NAMPT: variants seen among roughly 807,000 people sequenced by gnomAD.
The protein encoded by NAMPT is nicotinamide phosphoribosyltransferase, also known as NAmPRTase.
In NAMPT, 7 loss-of-function variants were observed where a neutral mutation model predicts 58.7. That is an observed-to-expected ratio of 0.12 (90% confidence interval 0.07 to 0.22). The LOEUF is 0.22. Among genes scored for constraint, NAMPT ranks in the 10% least tolerant of loss-of-function variants. NAMPT has a pLI of 1.00. For synonymous variants in NAMPT, 145 were observed against 198.1 expected, an observed-to-expected ratio of 0.73 and a Z score of 2.25; for missense variants, 271 against 567.9, an observed-to-expected ratio of 0.48 and a Z score of 5.31.
At chr7:106,256,525 G>A (rs2115732701) in intron 8 of NAMPT, among the ~76,000 whole-genome samples, 2 of 152,316 alleles carry the variant, frequency 1.3e-5, no homozygotes, top group Middle Eastern at 6.8e-3. Context: ...TCATACCAAT[G>A]AATGTAAAGA....
intron 1 of NAMPT, among the ~76,000 whole-genome samples, chr7:106,279,092 C>A (rs532975238): frequency 3.3e-5 from 5 of 152,258 alleles, no homozygotes; most frequent in African/African-American, 1.2e-4. Flanking sequence ...AAATACAGCT[C>A]CAGTTCTGGA....
intron 4 of NAMPT, 49 bp downstream of exon 4, chr7:106,272,481 A>G (rs746540120): frequency 1.7e-5 from 25 of 1,510,780 alleles, no homozygotes; most frequent in Admixed American, 3.7e-5. Flanking sequence ...TCTCAGTTCA[A>G]TGGTCTTTAT....
At chr7:106,261,312 AT>A (rs1403407307) in intron 8 of NAMPT, among the ~76,000 whole-genome samples, 2 of 152,110 alleles carry the variant, frequency 1.3e-5, no homozygotes, top group African/African-American at 4.8e-5. Context: ...TCCAAGGAAT[AT>A]TTCTTGACTG....
At position 106,248,467 on chromosome 7, in the gene NAMPT, T is replaced by C. The variant is rs1266386036; in HGVS notation, c.*2616A>G. ...ATACTTAAGTGTGAGTTCTAAATTA[T>C]GGCAAACAGAACAATAAATACCTTG... On this transcript the variant is annotated 3_prime_UTR_variant, in exon 11 of 11. Coordinates refer to ENST00000222553, the MANE Select transcript of NAMPT (RefSeq NM_005746.3). 1 of 152,536 alleles carries C rather than the reference T, an allele frequency of 6.6e-6. No homozygotes were observed. The highest frequency in any genetic ancestry group is 1.5e-5 in the Non-Finnish European group (1 of 67,994). 9.4% of individuals were successfully genotyped at this position (152,536 alleles called of 1,614,324 possible).
At chr7:106,282,112 G>C (rs2115842357) in intron 1 of NAMPT, among the ~76,000 whole-genome samples, 1 of 152,092 alleles carries the variant, frequency 6.6e-6, no homozygotes, top group African/African-American at 2.4e-5. Context: ...TGAGGCTCAG[G>C]TTGACTCAGG....
Position 106,284,938 on chromosome 7 carries a change from G to C in NAMPT, c.-54C>G. 3.2e-6 allele frequency: 5 copies of C among 1,556,682 alleles called. No individual in the cohort carries two copies. The highest frequency in any genetic ancestry group is 4.4e-6 in the Non-Finnish European group (5 of 1,148,578). ...CGCGAGCTCCCTGGCGCGGCTGCGA[G>C]GAAGGAGAAAAATGAGCTTCACCGC... On this transcript the variant is annotated 5_prime_UTR_variant, in exon 1 of 11. Coordinates refer to ENST00000222553, the MANE Select transcript of NAMPT (RefSeq NM_005746.3).
upstream of NAMPT, chr7:106,285,094 G>C: frequency 5.9e-6 from 8 of 1,351,664 alleles, no homozygotes; most frequent in Non-Finnish European, 7.7e-6. Context: ...GGCGGCTCGC[G>C]TGCTCGCAGT....
upstream of NAMPT, chr7:106,285,571 C>G: frequency 5.1e-6 from 5 of 985,918 alleles, no homozygotes; most frequent in Non-Finnish European, 6.0e-6. Flanking sequence ...AAGGATCCAG[C>G]CTTTCGCCTC....
At position 106,267,840 on chromosome 7, in the gene NAMPT, C is replaced by CAAAAAAAAAAAAAAAAAAAAAAAAAA. The variant is rs769070307; in HGVS notation, c.743+598_743+623dup. Among the ~76,000 whole-genome samples, 14 of 33,176 alleles carry CAAAAAAAAAAAAAAAAAAAAAAAAAA rather than the reference C, an allele frequency of 4.2e-4. 4 individuals are homozygous for CAAAAAAAAAAAAAAAAAAAAAAAAAA. The highest frequency in any genetic ancestry group is 8.0e-4 in the African/African-American group (7 of 8,732). 21.8% of individuals were successfully genotyped at this position (33,176 alleles called of 152,430 possible). On this transcript the variant is annotated intron_variant, in intron 6 of 10. Coordinates refer to ENST00000222553, the MANE Select transcript of NAMPT (RefSeq NM_005746.3). ...TGGGCGACAGAGCGAGACTCCGTCT[C>CAAAAAAAAAAAAAAAAAAAAAAAAAA]AAAAAAAAAAAAAAAAAAAAAAAAA... is the stretch of plus-strand genomic sequence containing the variant.
intron 3 of NAMPT, among the ~76,000 whole-genome samples, chr7:106,273,425 AAATACAAGAAAAATCTGTTT>A (rs1218952387): frequency 2.6e-5 from 4 of 152,204 alleles, no homozygotes; most frequent in African/African-American, 4.8e-5. Context: ...CAAGGTAATT[AAATACAAGAAAAATCTGTTT>A]AATACAAGCA....
chr7:106,269,157 T>C lies in NAMPT; in HGVS notation c.603A>G (p.Gln201=), dbSNP rs987330198. ...GAGGTTGGTTTCAGTTACTTACCTC[T>C]TGGGAAGAGACTCCTCTGTAGCCAA... ...HDFGYRGVSS[Q]ETAGIGASAH... Residue 201 remains glutamine, a synonymous_variant, in exon 5 of 11, where the codon CAA becomes CAG. Transcript: ENST00000222553. The C allele has an allele frequency of 3.1e-6, 5 of 1,609,784 alleles. No individual in the cohort carries two copies. The Admixed American group carries it at 5.1e-5, about 16-fold the overall frequency.
chr7:106,255,163 CT>C (rs1792178807), intron 8 of NAMPT, among the ~76,000 whole-genome samples: 1 of 152,128 alleles, frequency 6.6e-6, no homozygotes, highest in African/African-American at 2.4e-5. Flanking sequence ...CTAGAGAGAC[CT>C]GTATGAACAG....
intron 1 of NAMPT, among the ~76,000 whole-genome samples, chr7:106,277,915 T>G (rs1377609150): frequency 6.6e-6 from 1 of 152,068 alleles, no homozygotes; most frequent in Non-Finnish European, 1.5e-5. Flanking sequence ...AAAAAGTGAG[T>G]GTTCATTATA....
chr7:106,279,391 T>C (rs1213539704), intron 1 of NAMPT, among the ~76,000 whole-genome samples: 1 of 150,940 alleles, frequency 6.6e-6, no homozygotes, highest in Non-Finnish European at 1.5e-5. Context: ...CCAACAAGTT[T>C]ACAGAAGAAT....
At chr7:106,272,300 C>T (rs1792551032) in intron 4 of NAMPT, 1 of 354,350 alleles carries the variant, frequency 2.8e-6, no homozygotes, top group Non-Finnish European at 5.3e-6. Context: ...TAAAAACAAT[C>T]ACTCTCAATA....
upstream of NAMPT, chr7:106,285,219 C>CG (rs1792852360): frequency 9.2e-7 from 1 of 1,084,848 alleles, no homozygotes; most frequent in Non-Finnish European, 1.1e-6. Context: ...GGAGGCGGGG[C>CG]GGGGAGGAGG....
intron 6 of NAMPT, among the ~76,000 whole-genome samples, chr7:106,266,585 G>C (rs1792415289): frequency 1.4e-5 from 2 of 138,370 alleles, no homozygotes; most frequent in South Asian, 2.5e-4. Context: ...TTTCTACTGA[G>C]TCCCAACTCA....
chr7:106,271,035 C>G (rs1223681894), intron 4 of NAMPT, among the ~76,000 whole-genome samples: 1 of 152,132 alleles, frequency 6.6e-6, no homozygotes, highest in Non-Finnish European at 1.5e-5. Flanking sequence ...TACCTCTCTT[C>G]TTTAGTCTAA....
rs184167937 is a variant in NAMPT, at chr7:106,267,919, C to A, written c.743+545G>T. 2.8e-3 allele frequency among the ~76,000 whole-genome samples: 405 copies of A among 142,486 alleles called. 1 individual carries two copies. The highest frequency in any genetic ancestry group is 5.1e-3 in the Non-Finnish European group (339 of 66,558). The allele number at this position is 142,486 out of a possible 152,430, so 93.5% of individuals were successfully genotyped here. A position where few individuals can be genotyped will look rare whatever the true frequency, so the allele number is the denominator to read the frequency against. On this transcript the variant is annotated intron_variant, in intron 6 of 10. Transcript: ENST00000222553. ...AATAAAGTTAGCTCTAGGACCAGAG[C>A]AGCTGCAGTTTAGATTGTAATTTCT...
Sources: allele counts gnomAD v4.1 joint callset (sites outside exome capture counted in the v4.1 genomes callset), GRCh38; gene constraint gnomAD v4.1.1; transcripts MANE v1.5; gene names NCBI Gene and HGNC (gene_info 2026-07-23, HGNC 2026-07-21).